The following AUTS2 variants were observed in gnomAD, a reference collection of about 807,000 sequenced individuals.
AUTS2 encodes autism susceptibility gene 2 protein.
Under a neutral mutation model 112.4 loss-of-function variants are expected in AUTS2, and 17 were observed. The ratio of observed to expected loss-of-function variants is 0.15; its 90% CI spans 0.10 to 0.23. The LOEUF (loss-of-function observed/expected upper bound fraction) is 0.23. Among genes scored for constraint, AUTS2 ranks in the 10% least tolerant of loss-of-function variants. The probability of loss-of-function intolerance (pLI) is 1.00; values close to 1 mark genes in which losing one functional copy is unlikely to be tolerated. For missense variants in AUTS2, 1,510 were observed against 1,701.6 expected (o/e 0.89, Z 1.98); for synonymous variants, 751 against 702.7 (o/e 1.07, Z -1.09).
At chr7:69,806,470 T>G (rs1358848770) in intron 1 of AUTS2, among the ~76,000 whole-genome samples, 1 of 151,954 alleles carries the variant, frequency 6.6e-6, no homozygotes, top group Admixed American at 6.6e-5. Flanking sequence ...TGTATTTGTT[T>G]TTGGTGGCTT....
intron 4 of AUTS2, among the ~76,000 whole-genome samples, chr7:70,350,575 G>A (rs1791703431): frequency 6.6e-6 from 1 of 152,012 alleles, no homozygotes; most frequent in African/African-American, 2.4e-5. Context: ...GAGCAGCACA[G>A]GAAAAACCCA....
intron 4 of AUTS2, among the ~76,000 whole-genome samples, chr7:70,244,089 A>C (rs1388321154): frequency 1.3e-5 from 2 of 152,050 alleles, no homozygotes; most frequent in East Asian, 3.9e-4. Flanking sequence ...TCTTTTAATA[A>C]CCCTATGTGC....
intron 5 of AUTS2, among the ~76,000 whole-genome samples, chr7:70,513,174 T>C (rs1034745633): frequency 1.3e-5 from 2 of 152,210 alleles, no homozygotes; most frequent in Non-Finnish European, 2.9e-5. Flanking sequence ...ATTTGACAAC[T>C]TGGGTTGTGT....
At chr7:70,074,153 T>C (rs921555004) in intron 2 of AUTS2, among the ~76,000 whole-genome samples, 2 of 152,360 alleles carry the variant, frequency 1.3e-5, no homozygotes, top group Admixed American at 6.5e-5. Flanking sequence ...GTCAACTGAA[T>C]GTATTATGCA....
rs2129560572 is a variant in AUTS2 at position 70,785,075 on chromosome 7, G to A, written c.2224+56G>A. The A allele has an allele frequency of 3.2e-6, 5 of 1,576,958 alleles. No homozygotes were observed. In the South Asian group the frequency reaches 5.5e-5, roughly 17 times the overall value. On this transcript the variant is annotated intron_variant, in intron 16 of 18. Coordinates refer to ENST00000342771, the MANE Select transcript of AUTS2 (RefSeq NM_015570.4). ...TGTGTGCTTCAGGCAACCCTGCTGT[G>A]TTTACCATGCTCCCGCTGCACCTCC...
intron 2 of AUTS2, among the ~76,000 whole-genome samples, chr7:69,990,693 A>G (rs1798710491): frequency 6.6e-6 from 1 of 152,216 alleles, no homozygotes; most frequent in Admixed American, 6.5e-5. Flanking sequence ...GTTAGCTCTT[A>G]AAGCTGGTGG....
At chr7:69,826,856 C>T (rs1791270889) in intron 1 of AUTS2, among the ~76,000 whole-genome samples, 1 of 150,688 alleles carries the variant, frequency 6.6e-6, no homozygotes, top group African/African-American at 2.4e-5. Flanking sequence ...GTTTTCCTTC[C>T]TCCAACAAAT....
intron 5 of AUTS2, among the ~76,000 whole-genome samples, chr7:70,505,295 G>A (rs1798919165): frequency 2.0e-5 from 3 of 152,326 alleles, no homozygotes; most frequent in East Asian, 1.9e-4. Flanking sequence ...ATGAAATCAG[G>A]TGGGTGATGG....
chr7:70,512,595 AG>A (rs1301714179), intron 5 of AUTS2, among the ~76,000 whole-genome samples: 2 of 152,150 alleles, frequency 1.3e-5, no homozygotes, highest in African/African-American at 4.8e-5. Flanking sequence ...ATTTGGGGTG[AG>A]CTTTAAAGGA....
intron 2 of AUTS2, among the ~76,000 whole-genome samples, chr7:69,926,789 A>G (rs988064931): frequency 6.8e-6 from 1 of 146,886 alleles, no homozygotes; most frequent in African/African-American, 2.5e-5. Context: ...AGATATATAA[A>G]TATATATAAA....
chr7:70,540,251 A>G (rs779017095), intron 5 of AUTS2, among the ~76,000 whole-genome samples: 2 of 152,092 alleles, frequency 1.3e-5, no homozygotes, highest in South Asian at 4.1e-4. Flanking sequence ...GCAGAAGTTT[A>G]CAGAAAACTC....
At chr7:70,165,251 A>T (rs992315762) in intron 4 of AUTS2, among the ~76,000 whole-genome samples, 3 of 152,206 alleles carry the variant, frequency 2.0e-5, no homozygotes, top group African/African-American at 7.2e-5. Flanking sequence ...GAGAGAGAAA[A>T]TAGGCTAGAA....
At chr7:69,977,791 C>A (rs1408511132) in intron 2 of AUTS2, among the ~76,000 whole-genome samples, 4 of 152,248 alleles carry the variant, frequency 2.6e-5, no homozygotes, top group Admixed American at 2.0e-4. Context: ...AACTCCAAAT[C>A]TGATGACATC....
chr7:69,923,357 C>T (rs1394738146), intron 2 of AUTS2, among the ~76,000 whole-genome samples: 2 of 152,084 alleles, frequency 1.3e-5, no homozygotes, highest in Non-Finnish European at 2.9e-5. Context: ...TATCTTTATG[C>T]CTATACTATA....
chr7:69,670,555 CAAAAAAAAA>C lies in AUTS2; in HGVS notation c.309+70621_309+70629del, dbSNP rs200373158. ...CATGGTTGTTTTTTACTTGATCCCT[CAAAAAAAAA>C]AAAAAAAAAAAAAAAAAAAAAAAAA... On this transcript the variant is annotated intron_variant, in intron 1 of 18. Coordinates refer to ENST00000342771, the MANE Select transcript of AUTS2 (RefSeq NM_015570.4). Among the ~76,000 whole-genome samples, 99 of 119,026 alleles carry C rather than the reference CAAAAAAAAA, an allele frequency of 8.3e-4. 1 individual carries two copies. Among genetic ancestry groups the C allele is most frequent in the African/African-American group, 2.4e-3 (73 of 29,988 alleles). The allele number at this position is 119,026 out of a possible 152,430, so 78.1% of individuals were successfully genotyped here. A position where few individuals can be genotyped will look rare whatever the true frequency, so the allele number is the denominator to read the frequency against.
At chr7:69,915,107 TAAC>T (rs1057450531) in intron 2 of AUTS2, among the ~76,000 whole-genome samples, 2 of 152,242 alleles carry the variant, frequency 1.3e-5, no homozygotes, top group East Asian at 1.9e-4. Context: ...GGAGAGCTCT[TAAC>T]AACAAGTGAG....
chr7:69,611,785 C>T (rs944896461), intron 1 of AUTS2, among the ~76,000 whole-genome samples: 1 of 150,906 alleles, frequency 6.6e-6, no homozygotes, highest in African/African-American at 2.4e-5. Flanking sequence ...AAAAAATTAG[C>T]CGGGCGCGGT....
intron 1 of AUTS2, among the ~76,000 whole-genome samples, chr7:69,783,492 A>G (rs1310199060): frequency 2.6e-5 from 4 of 151,980 alleles, no homozygotes; most frequent in African/African-American, 9.7e-5. Context: ...TTGTGCTCAC[A>G]CTGATTTTTG....
At chr7:70,536,277 A>G in intron 5 of AUTS2, among the ~76,000 whole-genome samples, 1 of 152,218 alleles carries the variant, frequency 6.6e-6, no homozygotes, top group Middle Eastern at 3.2e-3. Flanking sequence ...TGACAGAGTG[A>G]GACTCCATCT....
Sources: gnomAD v4.1 joint callset for allele counts (sites outside exome capture counted in the v4.1 genomes callset) on GRCh38, gnomAD v4.1.1 for gene constraint, MANE v1.5 for transcripts, NCBI Gene and HGNC (gene_info 2026-07-23, HGNC 2026-07-21) for gene names.